CCDC88A: variants seen among roughly 807,000 people sequenced by gnomAD.
CCDC88A encodes coiled-coil and HOOK domain protein 88A, also known as girdin.
Under a neutral mutation model 234.3 loss-of-function variants are expected in CCDC88A, and 54 were observed. The observed-to-expected ratio is 0.23, with a 90% CI of 0.19 to 0.29. The LOEUF (loss-of-function observed/expected upper bound fraction) is 0.29, where lower values mean the gene tolerates loss of function less well. Ranked by LOEUF, CCDC88A falls within the 10% of genes least tolerant of loss-of-function variation. The probability of loss-of-function intolerance (pLI) is 1.00; values close to 1 mark genes in which losing one functional copy is unlikely to be tolerated. For missense variants in CCDC88A, 1,832 were observed against 2,123.4 expected (o/e 0.86, Z 2.70); for synonymous variants, 753 against 737.8 (o/e 1.02, Z -0.33).
At chr2:55,416,587 G>A (rs919344783) in intron 2 of CCDC88A, among the ~76,000 whole-genome samples, 2 of 148,202 alleles carry the variant, frequency 1.3e-5, no homozygotes, top group Non-Finnish European at 3.0e-5. Context: ...CCAAGCACAA[G>A]AAACATGGAA....
chr2:55,318,777 C>A (rs1683264909), intron 19 of CCDC88A, 66 bp downstream of exon 19: 2 of 1,211,986 alleles, frequency 1.7e-6, no homozygotes, highest in Non-Finnish European at 2.3e-6. Context: ...CCATGTTTAC[C>A]CTCCCTTATT....
Position 55,419,839 on chromosome 2 carries a change from T to C in CCDC88A, c.-760A>G, listed in dbSNP as rs370031562. 1.3e-5 allele frequency: 2 copies of C among 152,174 alleles called. No homozygotes were observed. Among genetic ancestry groups the C allele is most frequent in the East Asian group, 1.9e-4 (1 of 5,138 alleles). The allele number at this position is 152,174 out of a possible 1,614,324, so 9.4% of individuals were successfully genotyped here. A position where few individuals can be genotyped will look rare whatever the true frequency, so the allele number is the denominator to read the frequency against. ...GCGCTCCAGCCTTCTCCGCCCTCTA[T>C]GGAGAAGCCGGAGTAACGGCCTCAG... On this transcript the variant is annotated 5_prime_UTR_variant, in exon 1 of 33. Transcript: ENST00000436346.
chr2:55,358,715 C>T (rs1036934119), intron 7 of CCDC88A, among the ~76,000 whole-genome samples: 3 of 151,910 alleles, frequency 2.0e-5, no homozygotes, highest in Non-Finnish European at 4.4e-5. Context: ...ATTTCCATTT[C>T]TTTCTTCTTA....
chr2:55,349,765 T>C (rs1315552524), intron 8 of CCDC88A, 166 bp from the exon 9 acceptor site: 2 of 508,522 alleles, frequency 3.9e-6, no homozygotes, highest in African/African-American at 4.0e-5. Context: ...TAGGAATTTA[T>C]ATAATTAGAT....
In CCDC88A at chr2:55,288,147, A is replaced by G. The variant is rs948933503; in HGVS notation, c.*3053T>C. 3.3e-5 allele frequency: 5 copies of G among 152,778 alleles called. No homozygotes were observed. Among genetic ancestry groups the G allele is most frequent in the Non-Finnish European group, 4.4e-5 (3 of 68,024 alleles). 9.5% of individuals were successfully genotyped at this position (152,778 alleles called of 1,614,324 possible). ...AGTACAATGGTAGACACTGAAAAAG[A>G]AAACCCTTAATAGAAAAGAAAAAGA... On this transcript the variant is annotated 3_prime_UTR_variant, in exon 33 of 33. Transcript: ENST00000436346.
intron 2 of CCDC88A, among the ~76,000 whole-genome samples, chr2:55,400,054 T>C (rs1273742176): frequency 6.6e-6 from 1 of 152,222 alleles, no homozygotes; most frequent in African/African-American, 2.4e-5. Flanking sequence ...GTCTATTAAG[T>C]ATGACTCACA....
chr2:55,312,679 G>A (rs984132126), intron 22 of CCDC88A, 100 bp from the exon 23 acceptor site: 12 of 819,988 alleles, frequency 1.5e-5, no homozygotes, highest in Non-Finnish European at 2.3e-5. Flanking sequence ...GTGTTCCACT[G>A]TTTGAACAAT....
chr2:55,355,699 G>T lies in CCDC88A; in HGVS notation c.680C>A (p.Ala227Asp), dbSNP rs930241575. 1.1e-5 allele frequency: 17 copies of T among 1,613,742 alleles called. No individual in the cohort carries two copies. Among genetic ancestry groups the T allele is most frequent in the Non-Finnish European group, 1.4e-5 (16 of 1,179,772 alleles). ...ACAGGGTGACTGTGCAGATGAAGAGGCATGGGGTAGAAAATGGAGACCATC... is the reference window on the plus strand; with the variant it reads ...ACAGGGTGACTGTGCAGATGAAGAGTCATGGGGTAGAAAATGGAGACCATC... The part of the protein sequence containing the change: ...ERDGLHFLPH[A>D]SSSAQSPCGS... Residue 227 changes from alanine (A) to aspartate (D), a missense_variant, in exon 8 of 33, where the codon GCC becomes GAC. Transcript: ENST00000436346.
At position 55,385,469 on chromosome 2, in the gene CCDC88A, A is replaced by C. The variant is rs1323128284; in HGVS notation, c.273+3309T>G. ...TTAATAAGCAAGAAATAGAGTAAGA[A>C]AGTCTAACATATATCAATAAAAATA... On this transcript the variant is annotated intron_variant, in intron 3 of 32. Transcript: ENST00000436346. 2.0e-5 allele frequency among the ~76,000 whole-genome samples: 3 copies of C among 152,208 alleles called. No individual in the cohort carries two copies. The East Asian group carries it at 5.8e-4, about 29-fold the overall frequency.
Position 55,334,071 on chromosome 2 carries a change from T to A in CCDC88A, c.2727+23A>T, listed in dbSNP as rs771148398. 9.2e-7 allele frequency: 1 copy of A among 1,084,722 alleles called. No homozygotes were observed. Among genetic ancestry groups the A allele is most frequent in the Non-Finnish European group, 1.2e-6 (1 of 817,580 alleles). 67.2% of individuals were successfully genotyped at this position (1,084,722 alleles called of 1,614,324 possible). A position where few individuals can be genotyped will look rare whatever the true frequency, so the allele number is the denominator to read the frequency against. On this transcript the variant is annotated intron_variant, in intron 15 of 32. Transcript: ENST00000436346. This position sits in a 1 kb window ranked among gnomAD's most constrained non-coding sequence, Gnocchi z 6.1. ...TTAAAAATATAAAAAAAAATTTGCC[T>A]TAATTTAGGTAAACATATTTACCTC...
At position 55,363,990 on chromosome 2, in the gene CCDC88A, T is replaced by C; in HGVS notation, c.446A>G (p.Asp149Gly). Residue 149 changes from aspartate (D) to glycine (G), a missense_variant, in exon 6 of 33, where the codon GAT becomes GGT. Physicochemically the swap from Asp to Gly is moderately conservative, Grantham distance 94. Coordinates refer to ENST00000436346, the MANE Select transcript of CCDC88A (RefSeq NM_001365480.1). ...GGCAACCGCTGCTTTTGTATCAAAA[T>C]CTAAACCTTGAATTCTTTCAATAAA... ...EEFIERIQGL[D>G]FDTKAAVAAH... 1.3e-6 allele frequency: 2 copies of C among 1,598,874 alleles called. No homozygotes were observed. Among genetic ancestry groups the C allele is most frequent in the Non-Finnish European group, 1.7e-6 (2 of 1,170,304 alleles).
At chr2:55,416,457 T>A (rs1177445224) in intron 2 of CCDC88A, among the ~76,000 whole-genome samples, 4 of 84,236 alleles carry the variant, frequency 4.7e-5, no homozygotes, top group African/African-American at 2.5e-4. Context: ...TATATATATA[T>A]ATATATATAT....
At chr2:55,415,439 C>A (rs985091974) in intron 2 of CCDC88A, among the ~76,000 whole-genome samples, 22 of 152,106 alleles carry the variant, frequency 1.4e-4, no homozygotes, top group African/African-American at 5.3e-4. Context: ...GGACATCAGG[C>A]AACAAAAGAC....
chr2:55,346,093 T>G, intron 10 of CCDC88A, 82 bp downstream of exon 10: 1 of 932,588 alleles, frequency 1.1e-6, no homozygotes, highest in Admixed American at 2.4e-5. Flanking sequence ...CAAGAGTTTC[T>G]CATGTTTATT....
intron 29 of CCDC88A, 79 bp downstream of exon 29, chr2:55,299,760 C>T (rs561629423): frequency 2.3e-6 from 2 of 888,522 alleles, no homozygotes; most frequent in East Asian, 2.5e-5. Context: ...CATGCTTTAC[C>T]CCAGAAACTT....
chr2:55,357,499 T>C (rs537688739), intron 7 of CCDC88A, among the ~76,000 whole-genome samples: 2 of 152,150 alleles, frequency 1.3e-5, no homozygotes, highest in East Asian at 3.9e-4. Context: ...ATTCCCCTAA[T>C]TTTCCTTTTG....
rs1045613 is a variant in CCDC88A, at chr2:55,288,954, C to T, written c.*2246G>A. 39,862 of 151,980 alleles carry T rather than the reference C, an allele frequency of 0.26. 5,424 individuals are homozygous for T. Among genetic ancestry groups the T allele is most frequent in the East Asian group, 0.44 (2,291 of 5,170 alleles). 9.4% of individuals were successfully genotyped at this position (151,980 alleles called of 1,614,324 possible). On this transcript the variant is annotated 3_prime_UTR_variant, in exon 33 of 33. Transcript: ENST00000436346. ...ATTCATGTGGTTACTACTGTCTAGT[C>T]GTTTCTTGAAATGGTATGAAAAAAG...
At chr2:55,339,075 C>T (rs1354251707) in intron 13 of CCDC88A, 1 of 157,706 alleles carries the variant, frequency 6.3e-6, no homozygotes, top group African/African-American at 2.4e-5. Flanking sequence ...TCTCCTGCCT[C>T]ATCCTCCCGA....
In CCDC88A at chr2:55,296,357, C is replaced by G. The variant is rs1284751946; in HGVS notation, c.4992G>C (p.Leu1664=). 6.2e-7 allele frequency: 1 copy of G among 1,614,132 alleles called. No individual in the cohort carries two copies. Among genetic ancestry groups the G allele is most frequent in the African/African-American group, 1.3e-5 (1 of 75,030 alleles). The change falls in exon 30 of 33, where the codon CTG becomes CTC. Residue 1664 remains leucine (L), a synonymous_variant. Coordinates refer to ENST00000436346, the MANE Select transcript of CCDC88A (RefSeq NM_001365480.1). Reference sequence around the variant, plus strand: ...TTTTGATCTTGTGATGTCGACTCTCCAGTGTTTCAGATATTTTGTGCTGGA... The same window carrying G: ...TTTTGATCTTGTGATGTCGACTCTCGAGTGTTTCAGATATTTTGTGCTGGA... The part of the protein sequence containing the change: ...PVLQHKISET[L]ESRHHKIKTG...
Sources: gnomAD v4.1 joint callset for allele counts (sites outside exome capture counted in the v4.1 genomes callset) on GRCh38, gnomAD v4.1.1 for gene constraint, Gnocchi (gnomAD v3.1) non-coding constraint, MANE v1.5 for transcripts, NCBI Gene and HGNC (gene_info 2026-07-23, HGNC 2026-07-21) for gene names.